The following GLIS3 variants were observed in gnomAD, a reference collection of about 807,000 sequenced individuals.
The protein encoded by GLIS3 is GLIS family zinc finger 3, also known as zinc finger protein GLIS3.
In GLIS3, 53 loss-of-function variants were observed where a neutral mutation model predicts 78.6. The ratio of observed to expected loss-of-function variants is 0.67; its 90% CI spans 0.54 to 0.85. The LOEUF is 0.85. Ranked by LOEUF, GLIS3 falls within the 40% of genes least tolerant of loss-of-function variation. The pLI, the probability that GLIS3 is intolerant of heterozygous loss-of-function variation, is 0.00. For synonymous variants in GLIS3, 684 were observed against 509.9 expected, an observed-to-expected ratio of 1.34 and a Z score of -4.60; for missense variants, 1,703 against 1,231.1, an observed-to-expected ratio of 1.38 and a Z score of -5.74.
At chr9:4,362,624 A>C in the GLIS3 span, among the ~76,000 whole-genome samples, 1 of 152,120 alleles carries the variant, frequency 6.6e-6, no homozygotes, top group South Asian at 2.1e-4. Flanking sequence ...GTGGCAAAGG[A>C]ATCTTACCTT....
chr9:3,967,011 C>CCAA (rs1817993158), intron 4 of GLIS3, among the ~76,000 whole-genome samples: 1 of 29,598 alleles, frequency 3.4e-5, no homozygotes, highest in African/African-American at 1.5e-4. Context: ...TTTCTTTCTG[C>CCAA]AAAAAAAAAA....
chr9:3,961,105 C>T (rs892160385), intron 4 of GLIS3, among the ~76,000 whole-genome samples: 3 of 152,148 alleles, frequency 2.0e-5, no homozygotes, highest in East Asian at 3.9e-4. Context: ...TAATTTGTCA[C>T]CACAACTGCT....
chr9:4,409,627 T>C, the GLIS3 span, among the ~76,000 whole-genome samples: 1 of 152,276 alleles, frequency 6.6e-6, no homozygotes, highest in East Asian at 1.9e-4. Context: ...GAGAAAATAT[T>C]GAAAATTCTA....
At chr9:4,230,576 T>G (rs151126962) in intron 2 of GLIS3, among the ~76,000 whole-genome samples, 1,827 of 152,242 alleles carry the variant, frequency 0.012, 36 homozygotes, top group East Asian at 0.019. Context: ...AGGAAAAGAA[T>G]TGAGTCAGGT....
At chr9:4,028,774 T>C (rs556568995) in intron 4 of GLIS3, among the ~76,000 whole-genome samples, 6 of 152,312 alleles carry the variant, frequency 3.9e-5, no homozygotes, top group Admixed American at 3.3e-4. Flanking sequence ...ACATTTTATA[T>C]GGATTTGTAG....
the GLIS3 span, among the ~76,000 whole-genome samples, chr9:4,380,381 C>A: frequency 6.6e-6 from 1 of 152,230 alleles, no homozygotes; most frequent in East Asian, 1.9e-4. Flanking sequence ...AATAAGGGGG[C>A]AAACTTCAAA....
At chr9:3,838,302 G>A (rs1212609549) in intron 9 of GLIS3, among the ~76,000 whole-genome samples, 3 of 152,016 alleles carry the variant, frequency 2.0e-5, no homozygotes, top group African/African-American at 7.3e-5. Flanking sequence ...TTTTACTGAG[G>A]TGATATCTTT....
intron 4 of GLIS3, among the ~76,000 whole-genome samples, chr9:4,039,091 T>C (rs1824574921): frequency 6.6e-6 from 1 of 152,152 alleles, no homozygotes; most frequent in East Asian, 1.9e-4. Context: ...CTGGGCACCA[T>C]ACGTTGCTAT....
intron 4 of GLIS3, among the ~76,000 whole-genome samples, chr9:4,099,149 T>TCTGAATTAGATTCCTAGGGCTGC (rs1830177023): frequency 6.6e-6 from 1 of 152,236 alleles, no homozygotes. Context: ...CATAGGGCTG[T>TCTGAATTAGATTCCTAGGGCTGC]CTGAATTAGA....
In GLIS3 at chr9:4,321,315, G is replaced by A. The variant is rs1403208831; in HGVS notation, n.265-10787C>T. On this transcript the variant is annotated intron_variant and non_coding_transcript_variant, in intron 2 of 4. Coordinates refer to the GLIS3 transcript ENST00000471664. ...CGGGCGCCTGTAGTCCCAGCTACTC[G>A]GGAGGCTGAGGCAGGAGAATGGCGT... Among the ~76,000 whole-genome samples the A allele has an allele frequency of 3.8e-5, 5 of 130,854 alleles. 1 individual carries two copies. The highest frequency in any genetic ancestry group is 7.6e-5 in the Non-Finnish European group (5 of 66,118). The allele number at this position is 130,854 out of a possible 152,430, so 85.8% of individuals were successfully genotyped here.
chr9:4,146,621 C>T (rs1414847466), intron 2 of GLIS3, among the ~76,000 whole-genome samples: 3 of 152,088 alleles, frequency 2.0e-5, no homozygotes, highest in Non-Finnish European at 2.9e-5. Context: ...TGGAATCTGG[C>T]GAACTGATTT....
chr9:3,959,925 G>T (rs1817432481), intron 4 of GLIS3, among the ~76,000 whole-genome samples: 1 of 152,214 alleles, frequency 6.6e-6, no homozygotes, highest in South Asian at 2.1e-4. Flanking sequence ...GCCGAGGCAG[G>T]CGGACCACCT....
At chr9:3,925,829 T>TG (rs1825184029) in intron 6 of GLIS3, among the ~76,000 whole-genome samples, 1 of 152,256 alleles carries the variant, frequency 6.6e-6, no homozygotes, top group Non-Finnish European at 1.5e-5. Context: ...AGTTTGATGA[T>TG]GTTTTTGTGA....
At chr9:4,464,951 G>A in the GLIS3 span, among the ~76,000 whole-genome samples, 17 of 152,300 alleles carry the variant, frequency 1.1e-4, no homozygotes, top group African/African-American at 4.1e-4. Flanking sequence ...CTGGTAGCTA[G>A]TATAGTGTAT....
intron 6 of GLIS3, among the ~76,000 whole-genome samples, chr9:3,918,870 T>G (rs1022807829): frequency 4.6e-5 from 7 of 152,150 alleles, no homozygotes; most frequent in Non-Finnish European, 1.0e-4. Flanking sequence ...GCTAAAGAAA[T>G]GCCACAATGA....
At chr9:4,460,716 G>C in the GLIS3 span, among the ~76,000 whole-genome samples, 1 of 152,304 alleles carries the variant, frequency 6.6e-6, no homozygotes, top group African/African-American at 2.4e-5. Flanking sequence ...GGACAGAAAA[G>C]AAGCAAATAA....
intron 7 of GLIS3, among the ~76,000 whole-genome samples, chr9:3,897,399 C>G (rs74844168): frequency 6.6e-6 from 1 of 152,010 alleles, no homozygotes; most frequent in African/African-American, 2.4e-5. Context: ...CTGAACAAAT[C>G]AGACACACAA....
chr9:4,310,604 CTA>C (rs1161939729), intron 2 of GLIS3: 2 of 152,428 alleles, frequency 1.3e-5, no homozygotes, highest in Admixed American at 6.5e-5. Context: ...CAAAGCTAAA[CTA>C]TATGTGTCTG....
chr9:3,976,503 C>T (rs943481090), intron 4 of GLIS3, among the ~76,000 whole-genome samples: 13 of 150,560 alleles, frequency 8.6e-5, no homozygotes, highest in Admixed American at 2.6e-4. Flanking sequence ...TTTTTTTTTC[C>T]GGCTCAGTAA....
Sources: gnomAD v4.1 joint callset for allele counts (sites outside exome capture counted in the v4.1 genomes callset) on GRCh38, gnomAD v4.1.1 for gene constraint, MANE v1.5 for transcripts, NCBI Gene and HGNC (gene_info 2026-07-23, HGNC 2026-07-21) for gene names.